PCDHGB4: variants seen among roughly 807,000 people sequenced by gnomAD.
The protein encoded by PCDHGB4 is protocadherin gamma subfamily B, 4, also known as protocadherin gamma-B4.
PCDHGB4 carries 38 observed loss-of-function variants against 60.5 expected under a neutral mutation model. The observed-to-expected ratio is 0.63, with a 90% CI of 0.48 to 0.82. The LOEUF (loss-of-function observed/expected upper bound fraction) is 0.82, where lower values mean the gene tolerates loss of function less well. PCDHGB4 is among the 40% of genes least tolerant of loss of function. PCDHGB4 has a pLI of 0.00. For missense variants in PCDHGB4, 1,109 were observed against 1,209.6 expected, an observed-to-expected ratio of 0.92 and a Z score of 1.23; for synonymous variants, 456 against 509.7, an observed-to-expected ratio of 0.89 and a Z score of 1.42.
intron 1 of PCDHGB4, chr5:141,416,273 T>C (rs891505781): frequency 8.5e-5 from 13 of 152,298 alleles, no homozygotes; most frequent in African/African-American, 3.1e-4. Flanking sequence ...CCTTTTTGCA[T>C]ACAATTCTCT....
chr5:141,486,399 C>G lies in PCDHGB4; in HGVS notation c.2398-8408C>G. On this transcript the variant is annotated intron_variant, in intron 1 of 3. Transcript: ENST00000519479. The surrounding 1 kb of genome is among the most constrained non-coding windows in gnomAD (Gnocchi z 5.0). ...TTCAGGAACCAGTTCTCCCTGGTGA[C>G]TGCTGGACCCTTGGATCGAGAGGCC... The G allele has an allele frequency of 6.2e-7, 1 of 1,614,188 alleles. No individual in the cohort carries two copies. The highest frequency in any genetic ancestry group is 1.1e-5 in the South Asian group (1 of 91,090).
chr5:141,494,021 G>C (rs1036188621), intron 1 of PCDHGB4, among the ~76,000 whole-genome samples: 2 of 152,158 alleles, frequency 1.3e-5, no homozygotes, highest in African/African-American at 2.4e-5. Context: ...CCCCTTGGGA[G>C]CCCTGGAGAC....
Position 141,431,669 on chromosome 5 carries a change from A to G in PCDHGB4, c.2397+41388A>G, listed in dbSNP as rs2154554523. ...TTGTAATTCAGGGACAATATCAACA[A>G]TAGGGGAGTTGGACCACGAGGAGTC... On this transcript the variant is annotated intron_variant, in intron 1 of 3. Transcript: ENST00000519479. The surrounding 1 kb of genome is among the most constrained non-coding windows in gnomAD (Gnocchi z 4.8). 2 of 1,614,210 alleles carry G rather than the reference A, an allele frequency of 1.2e-6. No individual in the cohort carries two copies. Among genetic ancestry groups the G allele is most frequent in the South Asian group, 1.1e-5 (1 of 91,084 alleles).
At chr5:141,433,060 C>T in intron 1 of PCDHGB4, 1 of 1,614,198 alleles carries the variant, frequency 6.2e-7, no homozygotes, top group Non-Finnish European at 8.5e-7. Flanking sequence ...GGAAGAGTCA[C>T]CTGATCTTCC....
chr5:141,454,874 C>A (rs1002727777), intron 1 of PCDHGB4, among the ~76,000 whole-genome samples: 4 of 123,066 alleles, frequency 3.3e-5, no homozygotes, highest in African/African-American at 1.2e-4. Flanking sequence ...GTGGCACGAT[C>A]TTGGCTCACT....
rs201458212 is a variant in PCDHGB4 at position 141,487,439 on chromosome 5, T to A, written c.2398-7368T>A. On this transcript the variant is annotated intron_variant, in intron 1 of 3. Coordinates refer to ENST00000519479, the MANE Select transcript of PCDHGB4 (RefSeq NM_003736.4). The surrounding 1 kb of genome is among the most constrained non-coding windows in gnomAD (Gnocchi z 5.0). ...TGGGATCCTCCGAATCCAGCTAGGG[T>A]CAGATGACCCTATCAAGTTTGTTGA... The A allele has an allele frequency of 1.5e-4, 242 of 1,613,808 alleles. No individual in the cohort carries two copies. Among genetic ancestry groups the A allele is most frequent in the Non-Finnish European group, 1.9e-4 (230 of 1,179,978 alleles).
intron 1 of PCDHGB4, among the ~76,000 whole-genome samples, chr5:141,465,687 T>C (rs1290838979): frequency 1.3e-5 from 2 of 152,248 alleles, no homozygotes; most frequent in Non-Finnish European, 2.9e-5. Flanking sequence ...TTGACCAGTC[T>C]GCTTTTGCAT....
chr5:141,418,018 T>C, intron 1 of PCDHGB4: 1 of 1,613,868 alleles, frequency 6.2e-7, no homozygotes, highest in Non-Finnish European at 8.5e-7. Flanking sequence ...TCGCTAAGGA[T>C]CTAGGGCTTA....
At chr5:141,481,894 A>G (rs1278425155) in intron 1 of PCDHGB4, among the ~76,000 whole-genome samples, 1 of 145,812 alleles carries the variant, frequency 6.9e-6, no homozygotes, top group Non-Finnish European at 1.5e-5. Flanking sequence ...AGCCTGGGTG[A>G]AAGAGCGAAA....
rs1230185523 is a variant in PCDHGB4, at chr5:141,413,155, G to C, written c.2397+22874G>C. 10 of 1,576,552 alleles carry C rather than the reference G, an allele frequency of 6.3e-6. No individual in the cohort carries two copies. The South Asian group carries it at 1.2e-4, about 18-fold the overall frequency. ...CAACGTGTCCAGTGAGGACTTTGCA[G>C]AATTCTGTAACCAGACTACAATGGC... On this transcript the variant is annotated intron_variant, in intron 1 of 3. Coordinates refer to ENST00000519479, the MANE Select transcript of PCDHGB4 (RefSeq NM_003736.4).
Position 141,432,038 on chromosome 5 carries a change from C to A in PCDHGB4, c.2397+41757C>A. On this transcript the variant is annotated intron_variant, in intron 1 of 3. Transcript: ENST00000519479. The surrounding 1 kb of genome is among the most constrained non-coding windows in gnomAD (Gnocchi z 6.0). ...CAACATCACAGTGACCGCCACTGAC[C>A]GGGGAACCCCGCCCCTATCCACGGA... 1 of 1,614,190 alleles carries A rather than the reference C, an allele frequency of 6.2e-7. No homozygotes were observed. The highest frequency in any genetic ancestry group is 1.1e-5 in the South Asian group (1 of 91,072).
intron 1 of PCDHGB4, chr5:141,398,495 T>G: frequency 1.2e-6 from 2 of 1,610,214 alleles, no homozygotes; most frequent in Non-Finnish European, 1.7e-6. Context: ...AATGTGGAGA[T>G]CGAGGACATT....
chr5:141,427,028 C>T (rs960885416), intron 1 of PCDHGB4: 12 of 456,928 alleles, frequency 2.6e-5, no homozygotes, highest in Admixed American at 2.1e-4. Flanking sequence ...ACAAAGTCAG[C>T]CTTAGAGAGA....
In PCDHGB4 at chr5:141,466,692, A is replaced by G. The variant is rs185786515; in HGVS notation, c.2398-28115A>G. Among the ~76,000 whole-genome samples the G allele has an allele frequency of 3.0e-4, 46 of 152,280 alleles. 1 individual carries two copies. The highest frequency in any genetic ancestry group is 1.0e-3 in the African/African-American group (43 of 41,558). On this transcript the variant is annotated intron_variant, in intron 1 of 3. Coordinates refer to ENST00000519479, the MANE Select transcript of PCDHGB4 (RefSeq NM_003736.4). ...ACCGTTCTTCCACTCAAGCTTCATCATAAATTTGATGTCTGTTCTTGTTTC... is the reference window on the plus strand; with the variant it reads ...ACCGTTCTTCCACTCAAGCTTCATCGTAAATTTGATGTCTGTTCTTGTTTC...
chr5:141,501,390 T>TCAC (rs1033806087), intron 2 of PCDHGB4, among the ~76,000 whole-genome samples: 4 of 151,794 alleles, frequency 2.6e-5, no homozygotes, highest in African/African-American at 9.7e-5. Flanking sequence ...CTAGGTCCTG[T>TCAC]CACAGGCCAC....
At chr5:141,441,916 C>T (rs1340767725) in intron 1 of PCDHGB4, 9 of 352,248 alleles carry the variant, frequency 2.6e-5, no homozygotes, top group Non-Finnish European at 4.9e-5. Context: ...AGATGTGAGA[C>T]ACAATGCGTG....
In PCDHGB4 at chr5:141,477,510, A is replaced by G; in HGVS notation, c.2398-17297A>G. On this transcript the variant is annotated intron_variant, in intron 1 of 3. Transcript: ENST00000519479. This position sits in a 1 kb window ranked among gnomAD's most constrained non-coding sequence, Gnocchi z 4.9. ...TCTTCTCAATCTTCCTACGACGTTT[A>G]CATTGAAGAAAACAACCTCCCCGGG... is the stretch of plus-strand genomic sequence containing the variant. 3 of 1,614,172 alleles carry G rather than the reference A, an allele frequency of 1.9e-6. No homozygotes were observed. Among genetic ancestry groups the G allele is most frequent in the Non-Finnish European group, 2.5e-6 (3 of 1,180,018 alleles).
At chr5:141,419,694 G>A in intron 1 of PCDHGB4, 1 of 1,612,974 alleles carries the variant, frequency 6.2e-7, no homozygotes, top group Non-Finnish European at 8.5e-7. Context: ...GTGCAGGCCA[G>A]TGAGCCCGGG....
intron 3 of PCDHGB4, 146 bp from the exon 4 acceptor site, chr5:141,510,801 A>G: frequency 6.7e-7 from 1 of 1,489,832 alleles, no homozygotes; most frequent in Non-Finnish European, 9.1e-7. Flanking sequence ...AAGAGAGACT[A>G]CCTTGGTGAC....
Sources: gnomAD v4.1 joint callset for allele counts (sites outside exome capture counted in the v4.1 genomes callset) on GRCh38, gnomAD v4.1.1 for gene constraint, Gnocchi (gnomAD v3.1) non-coding constraint, MANE v1.5 for transcripts, NCBI Gene and HGNC (gene_info 2026-07-23, HGNC 2026-07-21) for gene names.